NFIB: variants seen among roughly 807,000 people sequenced by gnomAD.
NFIB encodes the protein nuclear factor I B.
NFIB carries 11 observed loss-of-function variants against 61.5 expected under a neutral mutation model. The ratio of observed to expected loss-of-function variants is 0.18; its 90% confidence interval spans 0.11 to 0.30. NFIB has a LOEUF of 0.30. Among genes scored for constraint, NFIB ranks in the 10% least tolerant of loss-of-function variants. NFIB has a pLI of 1.00. For missense variants in NFIB, 471 were observed against 608.9 expected, an observed-to-expected ratio of 0.77 and a Z score of 2.38; for synonymous variants, 260 against 216.5, an observed-to-expected ratio of 1.20 and a Z score of -1.76.
chr9:14,320,404 C>T (rs182190267), intron 1 of NFIB, among the ~76,000 whole-genome samples: 5 of 152,284 alleles, frequency 3.3e-5, no homozygotes, highest in East Asian at 3.9e-4. Flanking sequence ...TAGTATATTG[C>T]GTCAGTGAGT....
intron 2 of NFIB, among the ~76,000 whole-genome samples, chr9:14,233,688 C>A (rs2053444859): frequency 6.6e-6 from 1 of 152,112 alleles, no homozygotes; most frequent in Non-Finnish European, 1.5e-5. Flanking sequence ...CCTCAGCCTC[C>A]CAAAGTGCTG....
chr9:14,432,235 G>T, the NFIB span, among the ~76,000 whole-genome samples: 1 of 152,178 alleles, frequency 6.6e-6, no homozygotes, highest in African/African-American at 2.4e-5. Context: ...AGATATAAAA[G>T]GCAGGAGTTG....
intron 6 of NFIB, among the ~76,000 whole-genome samples, chr9:14,131,533 TACTCG>T (rs1477249501): frequency 6.6e-6 from 1 of 152,206 alleles, no homozygotes; most frequent in African/African-American, 2.4e-5. Flanking sequence ...ACAGCGTATG[TACTCG>T]ACTCATCGGC....
At chr9:14,189,701 A>G (rs1015191427) in intron 2 of NFIB, among the ~76,000 whole-genome samples, 1 of 150,672 alleles carries the variant, frequency 6.6e-6, no homozygotes, top group Non-Finnish European at 1.5e-5. Context: ...CTTCTGCTAC[A>G]TTTTAAAACC....
rs575813191 is a variant in NFIB at position 14,253,508 on chromosome 9, C to A, written c.562+53481G>T. Among the ~76,000 whole-genome samples the A allele has an allele frequency of 2.6e-5, 4 of 152,260 alleles. No homozygotes were observed. In the East Asian group the frequency reaches 7.7e-4, roughly 29 times the overall value. ...GGAAAAAAGCAAGTGAGATTTCGAT[C>A]CTTTGGCAATGAAGAAATAATGCAC... On this transcript the variant is annotated intron_variant, in intron 2 of 10. Transcript: ENST00000380953.
chr9:14,426,502 T>C, the NFIB span, among the ~76,000 whole-genome samples: 1 of 152,254 alleles, frequency 6.6e-6, no homozygotes, highest in African/African-American at 2.4e-5. Context: ...CTTCATACAA[T>C]GCGGACATGT....
At chr9:14,194,084 A>G (rs866977100) in intron 2 of NFIB, among the ~76,000 whole-genome samples, 8 of 152,180 alleles carry the variant, frequency 5.3e-5, no homozygotes, top group Middle Eastern at 3.2e-3. Context: ...CATGTTTATT[A>G]TTTTTTAAGC....
At chr9:14,164,756 G>C (rs2044591469) in intron 3 of NFIB, among the ~76,000 whole-genome samples, 1 of 152,154 alleles carries the variant, frequency 6.6e-6, no homozygotes, top group Non-Finnish European at 1.5e-5. Context: ...TCCTAGTGTA[G>C]TGGTTGCCAA....
chr9:14,511,098 A>G, the NFIB span, among the ~76,000 whole-genome samples: 2 of 152,186 alleles, frequency 1.3e-5, no homozygotes, highest in Non-Finnish European at 2.9e-5. Context: ...TTTGCCTTCC[A>G]AAGAGTTTGT....
chr9:14,466,051 C>T, the NFIB span, among the ~76,000 whole-genome samples: 1 of 152,122 alleles, frequency 6.6e-6, no homozygotes, highest in South Asian at 2.1e-4. Flanking sequence ...ATTTGTCTCA[C>T]TCTCCTGTGA....
At chr9:14,471,163 A>C in the NFIB span, among the ~76,000 whole-genome samples, 1 of 152,274 alleles carries the variant, frequency 6.6e-6, no homozygotes, top group African/African-American at 2.4e-5. Flanking sequence ...TAATCGTAGG[A>C]AGCAACAATC....
chr9:14,504,604 G>C, the NFIB span, among the ~76,000 whole-genome samples: 1 of 152,038 alleles, frequency 6.6e-6, no homozygotes, highest in African/African-American at 2.4e-5. Flanking sequence ...TTATTAAAGG[G>C]GTTAAGTTCT....
chr9:14,163,579 T>C (rs777728824), intron 3 of NFIB, among the ~76,000 whole-genome samples: 2 of 151,816 alleles, frequency 1.3e-5, no homozygotes, highest in Non-Finnish European at 2.9e-5. Context: ...ATAAAGAAGA[T>C]AAATCATAAA....
chr9:14,313,735 T>C lies in NFIB; in HGVS notation c.-224A>G. ...AGATTTCCAGGGGTGAAATCCAATCTACACTTTTAACCCTCTTGCAGTCCG... is the reference window on the plus strand; with the variant it reads ...AGATTTCCAGGGGTGAAATCCAATCCACACTTTTAACCCTCTTGCAGTCCG... On this transcript the variant is annotated 5_prime_UTR_variant, in exon 1 of 11. Transcript: ENST00000380953. This position sits in a 1 kb window ranked among gnomAD's most constrained non-coding sequence, Gnocchi z 4.5. The C allele has an allele frequency of 1.8e-5, 26 of 1,409,004 alleles. No individual in the cohort carries two copies. The highest frequency in any genetic ancestry group is 2.7e-5 in the East Asian group (1 of 37,018). The allele number at this position is 1,409,004 out of a possible 1,614,324, so 87.3% of individuals were successfully genotyped here. A position where few individuals can be genotyped will look rare whatever the true frequency, so the allele number is the denominator to read the frequency against.
rs763874779 is a variant in NFIB, at chr9:14,120,577, T to C, written c.1108A>G (p.Thr370Ala). The C allele has an allele frequency of 1.2e-6, 2 of 1,613,334 alleles. No individual in the cohort carries two copies. The highest frequency in any genetic ancestry group is 4.5e-5 in the East Asian group (2 of 44,848). Residue 370 changes from threonine (T) to alanine (A), a missense_variant, in exon 8 of 11, where the codon ACA becomes GCA. Physicochemically the swap from Thr to Ala is moderately conservative, Grantham distance 58. Coordinates refer to ENST00000380953, the MANE Select transcript of NFIB (RefSeq NM_001190737.2). The surrounding 1 kb of genome is among the most constrained non-coding windows in gnomAD (Gnocchi z 4.4). Reference protein sequence around the residue: ...PPPPSPLPFPTQAILPPAPSS... With the variant: ...PPPPSPLPFPAQAILPPAPSS... The stretch of plus-strand genomic sequence containing the variant: ...GGGGCTGGAGGAAGGATAGCTTGTG[T>C]TGGAAATGGCAACGGTGAAGGTGGA...
At chr9:14,183,514 G>T (rs1200642762) in intron 2 of NFIB, among the ~76,000 whole-genome samples, 1 of 151,086 alleles carries the variant, frequency 6.6e-6, no homozygotes, top group Non-Finnish European at 1.5e-5. Flanking sequence ...AGCCATTCTT[G>T]TGCTTCAGCC....
intron 2 of NFIB, among the ~76,000 whole-genome samples, chr9:14,270,894 G>A (rs777346842): frequency 6.6e-5 from 10 of 152,112 alleles, no homozygotes; most frequent in Non-Finnish European, 1.5e-4. Context: ...GGATAGGTAT[G>A]AAGCTGAGTC....
intron 1 of NFIB, among the ~76,000 whole-genome samples, chr9:14,354,863 C>T (rs1024989243): frequency 6.7e-6 from 1 of 150,296 alleles, no homozygotes; most frequent in Non-Finnish European, 1.5e-5. Flanking sequence ...GCAACCTTAG[C>T]TTTACAGATG....
chr9:14,239,819 A>C (rs1312963157), intron 2 of NFIB, among the ~76,000 whole-genome samples: 1 of 152,180 alleles, frequency 6.6e-6, no homozygotes, highest in Non-Finnish European at 1.5e-5. Context: ...AATTATGAAA[A>C]CAGTGAAAGA....
Sources: gnomAD v4.1 joint callset for allele counts (sites outside exome capture counted in the v4.1 genomes callset) on GRCh38, gnomAD v4.1.1 for gene constraint, Gnocchi (gnomAD v3.1) non-coding constraint, MANE v1.5 for transcripts, NCBI Gene and HGNC (gene_info 2026-07-23, HGNC 2026-07-21) for gene names.